Variants in KIF13B observed in about 807,000 individuals in gnomAD.
KIF13B encodes the protein kinesin-like protein KIF13B.
In KIF13B, 127 loss-of-function variants were observed where a neutral mutation model predicts 222.0. The ratio of observed to expected loss-of-function variants is 0.57; its 90% CI spans 0.50 to 0.66. KIF13B has a LOEUF of 0.66. KIF13B is among the 30% of genes least tolerant of loss of function. KIF13B has a pLI of 0.00. For synonymous variants in KIF13B, 976 were observed against 919.0 expected (o/e 1.06, Z -1.12); for missense variants, 2,173 against 2,379.0 (o/e 0.91, Z 1.80).
At chr8:29,185,438 G>T (rs1812884826) in intron 6 of KIF13B, among the ~76,000 whole-genome samples, 1 of 152,152 alleles carries the variant, frequency 6.6e-6, no homozygotes, top group Non-Finnish European at 1.5e-5. Flanking sequence ...CTTGCATAGT[G>T]CCTGGCATAT....
chr8:29,140,182 G>T lies in KIF13B; in HGVS notation c.2494C>A (p.Arg832=), dbSNP rs745890302. The T allele has an allele frequency of 1.2e-6, 2 of 1,613,530 alleles. No homozygotes were observed. Among genetic ancestry groups the T allele is most frequent in the South Asian group, 1.1e-5 (1 of 91,016 alleles). Reference sequence around the variant, plus strand: ...AGTCGCATCACCTCCACGTGCAGCCGACCTGCCACCTGCAGCAATGAGGGA... The same window carrying T: ...AGTCGCATCACCTCCACGTGCAGCCTACCTGCCACCTGCAGCAATGAGGGA... ...IINQKGEVAG[R]LHVEVMRLSG... is the part of the protein sequence containing the mutation. Residue 832 remains arginine (R), a synonymous_variant, in exon 21 of 40, where the codon CGG becomes AGG. Transcript: ENST00000524189.
At chr8:29,118,742 G>A in intron 30 of KIF13B, 126 bp downstream of exon 30, 1 of 905,066 alleles carries the variant, frequency 1.1e-6, no homozygotes, top group South Asian at 1.7e-5. Context: ...CATGATGAAA[G>A]GTTTTGCTTT....
chr8:29,256,152 A>G (rs901924928), intron 1 of KIF13B, among the ~76,000 whole-genome samples: 3 of 152,216 alleles, frequency 2.0e-5, no homozygotes, highest in African/African-American at 4.8e-5. Flanking sequence ...CAGGGTACAC[A>G]GCACATAAGC....
intron 36 of KIF13B, 27 bp from the exon 37 acceptor site, chr8:29,092,905 A>C (rs1808367923): frequency 6.3e-7 from 1 of 1,577,570 alleles, no homozygotes; most frequent in Non-Finnish European, 8.6e-7. Flanking sequence ...GGAAAAAGAT[A>C]AAACAAATAC....
At chr8:29,214,472 G>A (rs908317184) in intron 2 of KIF13B, among the ~76,000 whole-genome samples, 3 of 152,096 alleles carry the variant, frequency 2.0e-5, no homozygotes, top group Admixed American at 6.5e-5. Context: ...CCACCTCCAC[G>A]TCTTGTCCCA....
intron 8 of KIF13B, among the ~76,000 whole-genome samples, chr8:29,179,377 G>C (rs138684600): frequency 0.013 from 1,936 of 152,240 alleles, 25 homozygotes; most frequent in African/African-American, 0.03. Context: ...TTGGCCTCCC[G>C]AAGTGCTGGG....
At chr8:29,103,056 C>T (rs755106345) in intron 35 of KIF13B, among the ~76,000 whole-genome samples, 44 of 152,044 alleles carry the variant, frequency 2.9e-4, no homozygotes, top group Non-Finnish European at 6.0e-4. Flanking sequence ...TCCTGGCTAA[C>T]ATGATGAAAC....
intron 1 of KIF13B, among the ~76,000 whole-genome samples, chr8:29,251,006 C>G (rs1816257805): frequency 6.6e-6 from 1 of 151,986 alleles, no homozygotes; most frequent in Admixed American, 6.6e-5. Context: ...CAAAAATTAG[C>G]CGGGCGTGGA....
rs1810148716 is a variant in KIF13B at position 29,127,148 on chromosome 8, C to T, written c.3196G>A (p.Ala1066Thr). The T allele has an allele frequency of 6.2e-7, 1 of 1,613,906 alleles. No individual in the cohort carries two copies. Among genetic ancestry groups the T allele is most frequent in the Non-Finnish European group, 8.5e-7 (1 of 1,179,848 alleles). The stretch of plus-strand genomic sequence containing the variant: ...TGGAAGGTCTCATGTGTTCTGGGGG[C>T]TCTGAGCGGTCTAACTTTGACACAT... ...IGCVKVRPLRAPRTHETFHEE... is the reference protein window; with the variant it reads ...IGCVKVRPLRTPRTHETFHEE... Residue 1066 changes from alanine (A) to threonine (T), a missense_variant, in exon 25 of 40, where the codon GCC becomes ACC. Physicochemically the swap from Ala to Thr is moderately conservative, Grantham distance 58. Transcript: ENST00000524189.
At chr8:29,171,051 G>A (rs190908000) in intron 10 of KIF13B, among the ~76,000 whole-genome samples, 76 of 152,318 alleles carry the variant, frequency 5.0e-4, no homozygotes, top group Admixed American at 1.2e-3. Context: ...AAGAAAGCTC[G>A]AGGGAAACGA....
chr8:29,181,176 C>T (rs1360730593), intron 7 of KIF13B, among the ~76,000 whole-genome samples: 2 of 152,254 alleles, frequency 1.3e-5, no homozygotes, highest in South Asian at 4.1e-4. Flanking sequence ...GTTCTAAGAG[C>T]CATCTTGAAC....
intron 21 of KIF13B, among the ~76,000 whole-genome samples, chr8:29,139,430 C>T (rs980150034): frequency 6.6e-6 from 1 of 152,106 alleles, no homozygotes; most frequent in East Asian, 1.9e-4. Flanking sequence ...GCTCTGAAAT[C>T]AAGTACAATA....
At chr8:29,110,172 T>C in intron 32 of KIF13B, 102 bp from the exon 33 acceptor site, 1 of 1,027,900 alleles carries the variant, frequency 9.7e-7, no homozygotes, top group South Asian at 1.6e-5. Context: ...CAAAATTCCA[T>C]TTTAAAGTCA....
intron 2 of KIF13B, among the ~76,000 whole-genome samples, chr8:29,232,445 T>A (rs1815328116): frequency 6.8e-6 from 1 of 147,854 alleles, no homozygotes; most frequent in African/African-American, 2.5e-5. Flanking sequence ...AAAATAAATA[T>A]ATATATATAT....
chr8:29,118,095 T>C (rs1411702464), intron 30 of KIF13B, among the ~76,000 whole-genome samples: 2 of 151,682 alleles, frequency 1.3e-5, no homozygotes, highest in African/African-American at 4.9e-5. Context: ...GAGGCAGAGA[T>C]TGCAGTGAGC....
chr8:29,143,368 A>C (rs2129953215), intron 18 of KIF13B, among the ~76,000 whole-genome samples: 1 of 152,338 alleles, frequency 6.6e-6, no homozygotes, highest in Non-Finnish European at 1.5e-5. Flanking sequence ...AGGGGGTATA[A>C]AACATGAAAC....
intron 13 of KIF13B, among the ~76,000 whole-genome samples, chr8:29,158,493 C>T (rs1811634884): frequency 6.6e-6 from 1 of 152,138 alleles, no homozygotes; most frequent in Admixed American, 6.5e-5. Context: ...GAGAACTGTA[C>T]AGCTGGAACT....
intron 5 of KIF13B, 48 bp from the exon 6 acceptor site, chr8:29,186,520 A>G: frequency 1.4e-6 from 2 of 1,476,302 alleles, no homozygotes; most frequent in East Asian, 2.3e-5. Context: ...GAGACGTTAA[A>G]TACATAACCC....
chr8:29,260,512 T>C (rs1401794424), intron 1 of KIF13B, among the ~76,000 whole-genome samples: 1 of 152,206 alleles, frequency 6.6e-6, no homozygotes, highest in Non-Finnish European at 1.5e-5. Flanking sequence ...ATAATACTAA[T>C]AACTGTTCAA....
Sources: gnomAD v4.1 joint callset for allele counts (sites outside exome capture counted in the v4.1 genomes callset) on GRCh38, gnomAD v4.1.1 for gene constraint, MANE v1.5 for transcripts, NCBI Gene and HGNC (gene_info 2026-07-23, HGNC 2026-07-21) for gene names.